The following ZNF773 variants were observed in gnomAD, a reference collection of about 807,000 sequenced individuals.
The protein encoded by ZNF773 is zinc finger protein 773.
ZNF773 carries 11 observed loss-of-function variants against 12.8 expected under a neutral mutation model. The ratio of observed to expected loss-of-function variants is 0.86; its 90% CI spans 0.54 to 1.42. The LOEUF (loss-of-function observed/expected upper bound fraction) is 1.42, where lower values mean the gene tolerates loss of function less well. ZNF773 is among the 40% of genes most tolerant of loss of function. The pLI is 0.00. For missense variants in ZNF773, 518 were observed against 527.2 expected, an observed-to-expected ratio of 0.98 and a Z score of 0.17; for synonymous variants, 175 against 178.4, an observed-to-expected ratio of 0.98 and a Z score of 0.15.
chr19:57,517,972 T>C (rs2089841290), downstream of ZNF773: 1 of 153,770 alleles, frequency 6.5e-6, no homozygotes, highest in African/African-American at 2.4e-5. Flanking sequence ...CTGTTTTTTG[T>C]TCATAGTCTG....
chr19:57,510,117 A>T (rs1336875656), downstream of ZNF773, among the ~76,000 whole-genome samples: 1 of 152,204 alleles, frequency 6.6e-6, no homozygotes, highest in Non-Finnish European at 1.5e-5. Flanking sequence ...CTTGTTGTAA[A>T]GCCTTTTTAA....
chr19:57,507,407 A>C lies in ZNF773; in HGVS notation c.1312A>C (p.Thr438Pro), dbSNP rs763622810. Reference sequence around the variant, plus strand: ...TCTTGTTAAACATCGAAGGATTCACACTGGAGAAATACAATGATTGTGAGA... The same window carrying C: ...TCTTGTTAAACATCGAAGGATTCACCCTGGAGAAATACAATGATTGTGAGA... ...SSLVKHRRIH[T>P]GEIQ The change falls in exon 4 of 4, where the codon ACT (threonine) becomes CCT (proline). Residue 438 changes from threonine to proline, a missense_variant. Physicochemically the swap from Thr to Pro is conservative, Grantham distance 38. Coordinates refer to ENST00000282292, the MANE Select transcript of ZNF773 (RefSeq NM_198542.3). 2 of 1,600,526 alleles carry C rather than the reference A, an allele frequency of 1.2e-6. No homozygotes were observed. The highest frequency in any genetic ancestry group is 1.3e-5 in the African/African-American group (1 of 74,160).
intron 1 of ZNF773, among the ~76,000 whole-genome samples, chr19:57,501,257 C>T (rs532520384): frequency 5.8e-4 from 87 of 150,836 alleles, no homozygotes; most frequent in African/African-American, 2.0e-3. Flanking sequence ...CAAAAGGAAA[C>T]CCACATTGTC....
Position 57,507,400 on chromosome 19 carries a change from G to A in ZNF773, c.1305G>A (p.Arg435=). The part of the protein sequence containing the change: ...RHSSSLVKHR[R]IHTGEIQ ...GCTCCAGTCTTGTTAAACATCGAAG[G>A]ATTCACACTGGAGAAATACAATGAT... The change falls in exon 4 of 4, where the codon AGG becomes AGA. Residue 435 remains arginine (R), a synonymous_variant. Coordinates refer to ENST00000282292, the MANE Select transcript of ZNF773 (RefSeq NM_198542.3). 1 of 1,604,044 alleles carries A rather than the reference G, an allele frequency of 6.2e-7. No homozygotes were observed. The highest frequency in any genetic ancestry group is 1.1e-5 in the South Asian group (1 of 89,200).
At chr19:57,500,190 G>A in intron 1 of ZNF773, 77 bp downstream of exon 1, 1 of 1,480,878 alleles carries the variant, frequency 6.8e-7, no homozygotes, top group Non-Finnish European at 9.0e-7. Context: ...CCCGGGTGCA[G>A]AACTGTGGGG....
chr19:57,500,525 G>C (rs2089657816), intron 1 of ZNF773, among the ~76,000 whole-genome samples: 1 of 151,836 alleles, frequency 6.6e-6, no homozygotes, highest in Admixed American at 6.6e-5. Flanking sequence ...ACAGACCTGT[G>C]AGTAGGTAAA....
chr19:57,515,687 A>T (rs1023672893), downstream of ZNF773: 2 of 152,220 alleles, frequency 1.3e-5, no homozygotes, highest in Non-Finnish European at 2.9e-5. Flanking sequence ...TGCTTATGTT[A>T]GTCATGCTTT....
chr19:57,509,009 A>C (rs1277596748), downstream of ZNF773, among the ~76,000 whole-genome samples: 1 of 152,162 alleles, frequency 6.6e-6, no homozygotes, highest in African/African-American at 2.4e-5. Flanking sequence ...TATGTTACAT[A>C]GACTAGTCTC....
Position 57,507,282 on chromosome 19 carries a change from T to A in ZNF773, c.1187T>A (p.Phe396Tyr). ...PFKCNECGRFFSENSSLVKHQ... is the reference protein window; with the variant it reads ...PFKCNECGRFYSENSSLVKHQ... Reference sequence around the variant, plus strand: ...AAGTGCAATGAATGTGGGAGATTCTTTAGTGAGAATTCCAGCCTTGTTAAA... The same window carrying A: ...AAGTGCAATGAATGTGGGAGATTCTATAGTGAGAATTCCAGCCTTGTTAAA... Residue 396 changes from phenylalanine to tyrosine, a missense_variant, in exon 4 of 4, where the codon TTT becomes TAT. By Grantham distance (22) the Phe-to-Tyr change is conservative. Transcript: ENST00000282292. The A allele has an allele frequency of 1.2e-6, 2 of 1,611,310 alleles. No individual in the cohort carries two copies. The highest frequency in any genetic ancestry group is 1.7e-6 in the Non-Finnish European group (2 of 1,178,110).
intron 1 of ZNF773, among the ~76,000 whole-genome samples, chr19:57,500,587 G>A (rs2089658591): frequency 6.6e-6 from 1 of 152,142 alleles, no homozygotes; most frequent in South Asian, 2.1e-4. Flanking sequence ...AGGAGGGGAA[G>A]TGATCAGATC....
intron 1 of ZNF773, among the ~76,000 whole-genome samples, chr19:57,503,936 G>A (rs1049497414): frequency 1.3e-5 from 2 of 152,166 alleles, no homozygotes; most frequent in Non-Finnish European, 2.9e-5. Context: ...AGGATTACAG[G>A]CATGAGCCAC....
rs1462271278 is a variant in ZNF773 at position 57,506,773 on chromosome 19, G to C, written c.678G>C (p.Lys226Asn). The C allele has an allele frequency of 2.7e-5, 44 of 1,613,986 alleles. No homozygotes were observed. Among genetic ancestry groups the C allele is most frequent in the Non-Finnish European group, 3.4e-5 (40 of 1,180,014 alleles). Reference sequence around the variant, plus strand: ...CTTATGAATGCAGTGAATGTGGGAAGTTATTTAGCCATAAGTCCAACCTTT... The same window carrying C: ...CTTATGAATGCAGTGAATGTGGGAACTTATTTAGCCATAAGTCCAACCTTT... Reference protein sequence around the residue: ...EKPYECSECGKLFSHKSNLFI... With the variant: ...EKPYECSECGNLFSHKSNLFI... The change falls in exon 4 of 4, where the codon AAG becomes AAC. Residue 226 changes from lysine to asparagine, a missense_variant. Physicochemically the swap from Lys to Asn is moderately conservative, Grantham distance 94. Transcript: ENST00000282292.
downstream of ZNF773, chr19:57,508,362 A>G (rs576684239): frequency 8.4e-4 from 358 of 424,230 alleles, 4 homozygotes; most frequent in African/African-American, 7.6e-3. Flanking sequence ...AATCTCACTG[A>G]GTTTGGAGTT....
In ZNF773 at chr19:57,506,570, A is replaced by G. The variant is rs370745263; in HGVS notation, c.475A>G (p.Ser159Gly). 16 of 1,614,114 alleles carry G rather than the reference A, an allele frequency of 9.9e-6. No homozygotes were observed. In the African/African-American group the frequency reaches 2.1e-4, roughly 22 times the overall value. ...SREVGKDLLT[S>G]SGVLKHQVTH... ...GGAAGTTGGGAAGGATCTTCTGACC[A>G]GCTCAGGTGTTCTCAAGCACCAGGT... is the stretch of plus-strand genomic sequence containing the variant. Residue 159 changes from serine to glycine, a missense_variant, in exon 4 of 4, where the codon AGC (serine) becomes GGC (glycine). Ser to Gly is a moderately conservative substitution (Grantham distance 56, BLOSUM62 0). Transcript: ENST00000282292.
Position 57,507,762 on chromosome 19 carries a change from CAG to C in ZNF773, c.*339_*340del. 5 of 1,019,550 alleles carry C rather than the reference CAG, an allele frequency of 4.9e-6. No individual in the cohort carries two copies. In the South Asian group the frequency reaches 1.1e-4, roughly 23 times the overall value. The allele number at this position is 1,019,550 out of a possible 1,614,324, so 63.2% of individuals were successfully genotyped here. A position where few individuals can be genotyped will look rare whatever the true frequency, so the allele number is the denominator to read the frequency against. ...GGCTGAAGCGGGCGGATCACAAGGT[CAG>C]GACATCGAAACCATCCTGGTTAACA... On this transcript the variant is annotated 3_prime_UTR_variant, in exon 4 of 4. Coordinates refer to ENST00000282292, the MANE Select transcript of ZNF773 (RefSeq NM_198542.3).
chr19:57,513,030 C>T (rs374374691), downstream of ZNF773: 36 of 1,566,058 alleles, frequency 2.3e-5, no homozygotes, highest in Admixed American at 5.7e-5. Context: ...AGTCCCGAAC[C>T]GACAGCCACA....
chr19:57,509,223 A>G (rs1020569708), downstream of ZNF773, among the ~76,000 whole-genome samples: 1 of 152,204 alleles, frequency 6.6e-6, no homozygotes, highest in Admixed American at 6.5e-5. Context: ...ACTATACCAT[A>G]TCTTTGCCTA....
At chr19:57,502,650 G>C (rs553736934) in intron 1 of ZNF773, among the ~76,000 whole-genome samples, 18 of 152,242 alleles carry the variant, frequency 1.2e-4, no homozygotes, top group African/African-American at 4.3e-4. Context: ...GGTGGCTGTG[G>C]ACGTAGGAGA....
rs1170893516 is a variant in ZNF773 at position 57,507,224 on chromosome 19, C to T, written c.1129C>T (p.His377Tyr). 3.1e-6 allele frequency: 5 copies of T among 1,611,212 alleles called. No homozygotes were observed. The South Asian group carries it at 3.3e-5, about 11-fold the overall frequency. Residue 377 changes from histidine (H) to tyrosine (Y), a missense_variant, in exon 4 of 4, where the codon CAT becomes TAT. Coordinates refer to ENST00000282292, the MANE Select transcript of ZNF773 (RefSeq NM_198542.3). ...TAGCCAAAGCTCAAGCCTCATGCAA[C>T]ATCGAAAAGTTCACACTGGAGAAAA... ...FFSQSSSLMQHRKVHTGEKPF... is the reference protein window; with the variant it reads ...FFSQSSSLMQYRKVHTGEKPF...
Sources: gnomAD v4.1 joint callset for allele counts (sites outside exome capture counted in the v4.1 genomes callset) on GRCh38, gnomAD v4.1.1 for gene constraint, MANE v1.5 for transcripts, NCBI Gene and HGNC (gene_info 2026-07-23, HGNC 2026-07-21) for gene names.